SMOC2: variants seen among roughly 807,000 people sequenced by gnomAD.
SMOC2 encodes SPARC related modular calcium binding 2.
SMOC2 carries 39 observed loss-of-function variants against 61.4 expected under a neutral mutation model. The ratio of observed to expected loss-of-function variants is 0.64; its 90% CI spans 0.49 to 0.83. The LOEUF is 0.83. Ranked by LOEUF, SMOC2 falls within the 40% of genes least tolerant of loss-of-function variation. The pLI is 0.00. For missense variants in SMOC2, 556 were observed against 592.9 expected, an observed-to-expected ratio of 0.94 and a Z score of 0.65; for synonymous variants, 247 against 239.9, an observed-to-expected ratio of 1.03 and a Z score of -0.27.
chr6:168,441,637 T>C (rs1488533304), intron 1 of SMOC2, among the ~76,000 whole-genome samples, 183 bp downstream of exon 1: 1 of 152,084 alleles, frequency 6.6e-6, no homozygotes, highest in African/African-American at 2.4e-5. Context: ...CGTGCGCGCC[T>C]GGGACCCGGC....
chr6:168,475,648 G>A lies in SMOC2; in HGVS notation c.84+34194G>A, dbSNP rs962296332. ...AGTCCAGAGCGGGGACAGAGGACGA[G>A]AACTGAGACCTGCTTCCCACGCGTC... On this transcript the variant is annotated intron_variant, in intron 1 of 12. Coordinates refer to ENST00000356284, the MANE Select transcript of SMOC2 (RefSeq NM_001166412.2). This position sits in a 1 kb window ranked among gnomAD's most constrained non-coding sequence, Gnocchi z 4.6. Among the ~76,000 whole-genome samples the A allele has an allele frequency of 6.6e-6, 1 of 152,128 alleles. No individual in the cohort carries two copies. Among genetic ancestry groups the A allele is most frequent in the Non-Finnish European group, 1.5e-5 (1 of 68,002 alleles).
rs554038760 is a variant in SMOC2, at chr6:168,545,563, C to T, written c.512-1556C>T. Among the ~76,000 whole-genome samples, 468 of 152,328 alleles carry T rather than the reference C, an allele frequency of 3.1e-3. 3 individuals carry two copies. Among genetic ancestry groups the T allele is most frequent in the Middle Eastern group, 0.014 (4 of 294 alleles). ...GGCATGGAGTAGGGCCTATGATGAC[C>T]GTGCTGAGGAGGGAAGCATGGACAG... On this transcript the variant is annotated intron_variant, in intron 5 of 12. Coordinates refer to ENST00000356284, the MANE Select transcript of SMOC2 (RefSeq NM_001166412.2).
chr6:168,507,669 G>A (rs1314079074), intron 1 of SMOC2, among the ~76,000 whole-genome samples: 2 of 152,246 alleles, frequency 1.3e-5, no homozygotes, highest in South Asian at 2.1e-4. Context: ...CTCATCTGTG[G>A]CAGAATTCAA....
chr6:168,635,196 CTG>C (rs1487710792), intron 9 of SMOC2, among the ~76,000 whole-genome samples: 1 of 152,218 alleles, frequency 6.6e-6, no homozygotes, highest in Non-Finnish European at 1.5e-5. Flanking sequence ...TACACTCTAA[CTG>C]TGGTTCCTAC....
At chr6:168,566,606 C>T (rs966478593) in intron 7 of SMOC2, among the ~76,000 whole-genome samples, 4 of 151,594 alleles carry the variant, frequency 2.6e-5, no homozygotes, top group Admixed American at 1.3e-4. Context: ...CCTCAGCCTC[C>T]GAGTAGCTGG....
chr6:168,473,376 G>A (rs1283841231), intron 1 of SMOC2, among the ~76,000 whole-genome samples: 1 of 152,198 alleles, frequency 6.6e-6, no homozygotes, highest in African/African-American at 2.4e-5. Context: ...CATTGCTCAG[G>A]TCCTTTCCCT....
intron 1 of SMOC2, among the ~76,000 whole-genome samples, chr6:168,450,697 G>T (rs1215708405): frequency 1.3e-5 from 2 of 152,128 alleles, no homozygotes; most frequent in African/African-American, 2.4e-5. Context: ...TCTCCACCGG[G>T]TTCTGTTTGG....
intron 1 of SMOC2, among the ~76,000 whole-genome samples, chr6:168,494,130 T>C (rs191762522): frequency 8.5e-5 from 13 of 152,332 alleles, no homozygotes; most frequent in Admixed American, 7.8e-4. Context: ...GCAAGTGTAT[T>C]AGATGGTTAT....
chr6:168,599,885 C>A (rs1785491497), intron 8 of SMOC2, among the ~76,000 whole-genome samples: 1 of 146,730 alleles, frequency 6.8e-6, no homozygotes, highest in Non-Finnish European at 1.5e-5. Flanking sequence ...CACACTAACT[C>A]CCCCGACACA....
chr6:168,578,984 G>A (rs1784867548), intron 7 of SMOC2, among the ~76,000 whole-genome samples: 2 of 152,194 alleles, frequency 1.3e-5, no homozygotes, highest in Non-Finnish European at 2.9e-5. Context: ...TGGAGAAGAG[G>A]GCTAAAGGCC....
intron 2 of SMOC2, among the ~76,000 whole-genome samples, chr6:168,523,518 G>T (rs758853256): frequency 7.3e-5 from 11 of 150,822 alleles, no homozygotes; most frequent in Non-Finnish European, 1.2e-4. Flanking sequence ...CTCCAGAGTA[G>T]CTGGGAACAC....
intron 9 of SMOC2, among the ~76,000 whole-genome samples, chr6:168,622,330 T>C (rs1321867040): frequency 6.6e-6 from 1 of 152,032 alleles, no homozygotes; most frequent in African/African-American, 2.4e-5. Context: ...ACCATGTGGC[T>C]GCACAGGAGT....
chr6:168,518,877 GTGTC>G (rs1446819062), intron 2 of SMOC2, among the ~76,000 whole-genome samples: 36 of 148,290 alleles, frequency 2.4e-4, no homozygotes, highest in African/African-American at 8.2e-4. Flanking sequence ...ATGTATTCAT[GTGTC>G]TGAGCATGCG....
intron 9 of SMOC2, among the ~76,000 whole-genome samples, chr6:168,650,301 A>G (rs1206682724): frequency 6.6e-6 from 1 of 151,982 alleles, no homozygotes; most frequent in Non-Finnish European, 1.5e-5. Context: ...CCTGGCCTCG[A>G]TTGCTGGGAT....
In SMOC2 at chr6:168,469,555, C is replaced by T. The variant is rs1178421277; in HGVS notation, c.84+28101C>T. Among the ~76,000 whole-genome samples, 4 of 152,188 alleles carry T rather than the reference C, an allele frequency of 2.6e-5. No individual in the cohort carries two copies. The South Asian group carries it at 6.2e-4, about 24-fold the overall frequency. On this transcript the variant is annotated intron_variant, in intron 1 of 12. Transcript: ENST00000356284. ...AATCTTTCTGTTCGTAAATGGTGTC[C>T]TGAAATCAATAAACTTTAGCAATTC...
chr6:168,484,507 TA>T (rs1353135882), intron 1 of SMOC2, among the ~76,000 whole-genome samples: 2 of 152,310 alleles, frequency 1.3e-5, no homozygotes, highest in South Asian at 2.1e-4. Flanking sequence ...TATACAATGG[TA>T]AAGCTGCTGT....
chr6:168,538,599 T>C (rs1235985599), intron 4 of SMOC2, among the ~76,000 whole-genome samples: 4 of 31,096 alleles, frequency 1.3e-4, no homozygotes, highest in African/African-American at 1.4e-4. Flanking sequence ...GGGAGCAGAG[T>C]GACCCCCTGC....
At chr6:168,565,469 C>T (rs762877276) in intron 7 of SMOC2, among the ~76,000 whole-genome samples, 19 of 152,202 alleles carry the variant, frequency 1.2e-4, no homozygotes, top group Non-Finnish European at 2.6e-4. Flanking sequence ...CTCCATCTTC[C>T]TGCATGGACA....
intron 1 of SMOC2, among the ~76,000 whole-genome samples, chr6:168,455,919 A>G (rs1376849594): frequency 6.6e-6 from 1 of 152,236 alleles, no homozygotes; most frequent in Non-Finnish European, 1.5e-5. Context: ...GAATCCATGC[A>G]AACGTCTGGG....
Sources: allele counts gnomAD v4.1 joint callset (sites outside exome capture counted in the v4.1 genomes callset), GRCh38; gene constraint gnomAD v4.1.1; non-coding constraint Gnocchi (gnomAD v3.1); transcripts MANE v1.5; gene names NCBI Gene and HGNC (gene_info 2026-07-23, HGNC 2026-07-21).